The following MAP4 variants were observed in gnomAD, a reference collection of about 807,000 sequenced individuals.
MAP4 encodes the protein microtubule-associated protein 4.
MAP4 carries 76 observed loss-of-function variants against 170.2 expected under a neutral mutation model. The observed-to-expected ratio is 0.45, with a 90% CI of 0.37 to 0.54. The LOEUF is 0.54. Among genes scored for constraint, MAP4 ranks in the 20% least tolerant of loss-of-function variants. The pLI is 0.00. For missense variants in MAP4, 2,506 were observed against 2,748.0 expected (o/e 0.91, Z 1.97); for synonymous variants, 909 against 994.5 (o/e 0.91, Z 1.62).
At chr3:47,957,688 T>A (rs2100068654) in intron 3 of MAP4, among the ~76,000 whole-genome samples, 1 of 152,202 alleles carries the variant, frequency 6.6e-6, no homozygotes, top group Admixed American at 6.5e-5. Context: ...TCCATGGACT[T>A]AACTGGTGTT....
At chr3:47,864,414 T>C (rs142724087) in intron 17 of MAP4, among the ~76,000 whole-genome samples, 1,807 of 152,198 alleles carry the variant, frequency 0.012, 30 homozygotes, top group Admixed American at 0.023. Flanking sequence ...CGGTGGCTCA[T>C]GCCTGTAATC....
chr3:47,950,809 C>A (rs1253078833), intron 3 of MAP4, among the ~76,000 whole-genome samples: 3 of 151,832 alleles, frequency 2.0e-5, no homozygotes, highest in African/African-American at 7.3e-5. Flanking sequence ...CTGAGGTGGC[C>A]CCAATCATCT....
In MAP4 at chr3:47,921,873, A is replaced by G; in HGVS notation, c.421T>C (p.Phe141Leu). Residue 141 changes from phenylalanine (F) to leucine (L), a missense_variant, in exon 5 of 21, where the codon TTT becomes CTT. Physicochemically the swap from Phe to Leu is conservative, Grantham distance 22. Coordinates refer to ENST00000683076, the MANE Select transcript of MAP4 (RefSeq NM_001385682.1). Reference sequence around the variant, plus strand: ...AGGTCATCATCATGGTACATCTTAAAGGGATCTGGAATATAGAAGAAATCC... The same window carrying G: ...AGGTCATCATCATGGTACATCTTAAGGGGATCTGGAATATAGAAGAAATCC... Reference protein sequence around the residue: ...QVVDPIQTDPFKMYHDDDLAD... With the variant: ...QVVDPIQTDPLKMYHDDDLAD... The G allele has an allele frequency of 2.1e-6, 3 of 1,439,542 alleles. No individual in the cohort carries two copies. The highest frequency in any genetic ancestry group is 2.9e-6 in the Non-Finnish European group (3 of 1,020,580). The allele number at this position is 1,439,542 out of a possible 1,614,324, so 89.2% of individuals were successfully genotyped here.
At chr3:47,996,487 G>A (rs2100095710) in intron 2 of MAP4, among the ~76,000 whole-genome samples, 1 of 152,168 alleles carries the variant, frequency 6.6e-6, no homozygotes, top group Non-Finnish European at 1.5e-5. Context: ...ACACAGGGAA[G>A]GCTGAAAGAG....
chr3:47,862,089 A>G (rs1184858071), intron 17 of MAP4, among the ~76,000 whole-genome samples: 2 of 142,730 alleles, frequency 1.4e-5, no homozygotes, highest in African/African-American at 5.2e-5. Flanking sequence ...TGAATTCGGG[A>G]GGCGGAGGTT....
chr3:47,872,999 CT>C (rs2152292376), intron 12 of MAP4, among the ~76,000 whole-genome samples: 1 of 152,288 alleles, frequency 6.6e-6, no homozygotes, highest in Admixed American at 6.5e-5. Context: ...AGCTGTAGCC[CT>C]ACTCCAGCAA....
At chr3:47,929,224 G>A (rs975855808) in intron 3 of MAP4, among the ~76,000 whole-genome samples, 1 of 152,094 alleles carries the variant, frequency 6.6e-6, no homozygotes, top group Non-Finnish European at 1.5e-5. Context: ...GCATGGTGAT[G>A]CATGCCTGTA....
At chr3:47,973,368 C>G in intron 3 of MAP4, 1 of 985,346 alleles carries the variant, frequency 1.0e-6, no homozygotes, top group African/African-American at 1.7e-5. Context: ...GATACTGGAC[C>G]ACTTGGGTGT....
At chr3:47,892,997 T>C (rs1173439736) in intron 10 of MAP4, among the ~76,000 whole-genome samples, 1 of 127,120 alleles carries the variant, frequency 7.9e-6, no homozygotes, top group Admixed American at 8.3e-5. Context: ...TGAAGAACAA[T>C]GAATCCAGGA....
At chr3:48,023,600 A>G (rs1003543431) in intron 1 of MAP4, among the ~76,000 whole-genome samples, 1 of 152,218 alleles carries the variant, frequency 6.6e-6, no homozygotes, top group Admixed American at 6.5e-5. Flanking sequence ...CTGACCTTTA[A>G]AAGACAGTAT....
At chr3:48,007,088 C>T (rs1226346754) in intron 1 of MAP4, among the ~76,000 whole-genome samples, 4 of 152,224 alleles carry the variant, frequency 2.6e-5, no homozygotes, top group African/African-American at 7.2e-5. Context: ...TTTTCGCTTC[C>T]GCAAGATATC....
chr3:47,906,219 C>G (rs1011724032), intron 9 of MAP4, among the ~76,000 whole-genome samples: 2 of 151,964 alleles, frequency 1.3e-5, no homozygotes, highest in Non-Finnish European at 2.9e-5. Context: ...ATATGGAACA[C>G]CCATCAAAAT....
Position 47,909,750 on chromosome 3 carries a change from A to AC in MAP4, c.4670dup (p.Ser1557ArgfsTer5), listed in dbSNP as rs772435760. 2 of 1,613,998 alleles carry AC rather than the reference A, an allele frequency of 1.2e-6. No homozygotes were observed. Among genetic ancestry groups the AC allele is most frequent in the East Asian group, 4.5e-5 (2 of 44,892 alleles). On this transcript the variant is annotated frameshift_variant, in exon 9 of 21. Transcript: ENST00000683076. LOFTEE classifies it high-confidence loss of function. ...TCTCTACTGAATGCTTAGACGCACCACTGTGCACTGACTCAGATTCTCCTA... is the reference window on the plus strand; with the variant it reads ...TCTCTACTGAATGCTTAGACGCACCACCTGTGCACTGACTCAGATTCTCCTA...
intron 3 of MAP4, among the ~76,000 whole-genome samples, chr3:47,950,581 T>C (rs578213925): frequency 6.8e-6 from 1 of 147,074 alleles, no homozygotes; most frequent in Non-Finnish European, 1.5e-5. Context: ...AAATTATGTT[T>C]AAAAAAAAAA....
intron 17 of MAP4, among the ~76,000 whole-genome samples, chr3:47,865,527 G>A (rs1197370717): frequency 6.6e-6 from 1 of 152,082 alleles, no homozygotes; most frequent in Admixed American, 6.5e-5. Flanking sequence ...GAGTTGTGTG[G>A]GGCAAGAATG....
At position 48,050,009 on chromosome 3, in the gene MAP4, C is replaced by T. The variant is rs952191318; in HGVS notation, c.-20+38764G>A. On this transcript the variant is annotated intron_variant, in intron 1 of 18. Transcript: ENST00000360240. ...GTGCAGTGGCCCATACCTGTAATCC[C>T]AGCAATTTGGGAGGCCAAGGCGGGT... is the stretch of plus-strand genomic sequence containing the variant. Among the ~76,000 whole-genome samples the T allele has an allele frequency of 3.3e-5, 5 of 151,526 alleles. No individual in the cohort carries two copies. In the East Asian group the frequency reaches 9.7e-4, roughly 30 times the overall value.
At chr3:47,905,565 A>G (rs2100032494) in intron 9 of MAP4, among the ~76,000 whole-genome samples, 1 of 151,974 alleles carries the variant, frequency 6.6e-6, no homozygotes, top group Admixed American at 6.5e-5. Flanking sequence ...AAACCCCACA[A>G]ACAAGCAAAT....
chr3:47,995,448 A>G (rs745355914), intron 2 of MAP4, among the ~76,000 whole-genome samples: 5 of 151,742 alleles, frequency 3.3e-5, no homozygotes, highest in Non-Finnish European at 7.4e-5. Flanking sequence ...GTATGGTTTC[A>G]CCATGTTGGC....
chr3:48,018,525 G>A (rs2100108930), upstream of MAP4, among the ~76,000 whole-genome samples: 2 of 152,154 alleles, frequency 1.3e-5, no homozygotes, highest in Admixed American at 6.6e-5. Flanking sequence ...TTGGCTAGGT[G>A]TGGTGGCTCA....
Sources: gnomAD v4.1 joint callset for allele counts (sites outside exome capture counted in the v4.1 genomes callset) on GRCh38, gnomAD v4.1.1 for gene constraint, MANE v1.5 for transcripts, NCBI Gene and HGNC (gene_info 2026-07-23, HGNC 2026-07-21) for gene names.